Variants in THADA observed in about 807,000 individuals in gnomAD.
THADA encodes the protein tRNA (32-2'-O)-methyltransferase regulator THADA.
Under a neutral mutation model 219.8 loss-of-function variants are expected in THADA, and 213 were observed. The observed-to-expected ratio is 0.97, with a 90% CI of 0.87 to 1.09. THADA has a LOEUF of 1.09. Among genes scored for constraint, THADA ranks in the 50% least tolerant of loss-of-function variants. The pLI is 0.00. For synonymous variants in THADA, 1,018 were observed against 828.9 expected, an observed-to-expected ratio of 1.23 and a Z score of -3.92; for missense variants, 2,956 against 2,311.3, an observed-to-expected ratio of 1.28 and a Z score of -5.72.
Position 43,232,842 on chromosome 2 carries a change from G to A in THADA, c.5337C>T (p.Ala1779=), listed in dbSNP as rs748172791. 1.6e-5 allele frequency: 25 copies of A among 1,611,994 alleles called. No individual in the cohort carries two copies. The highest frequency in any genetic ancestry group is 1.6e-4 in the Middle Eastern group (1 of 6,076). ...GATCACACAGGACGGCCAGGGCCAG[G>A]GCCAGAGCGATGGAGGCATCCACCT... ...FCQVDASIAL[A]LALAVLCDLL... The change falls in exon 37 of 38, where the codon GCC becomes GCT. Residue 1779 remains alanine, a synonymous_variant. Transcript: ENST00000405975.
Position 43,430,203 on chromosome 2 carries a change from C to A in THADA, c.3926+10G>T. On this transcript the variant is annotated intron_variant, in intron 27 of 37. Transcript: ENST00000405975. The stretch of plus-strand genomic sequence containing the variant: ...TGAGGTCATTTTGCCCCACCCAATT[C>A]TCTTCTTACCTGTCTACTGTATTGG... 2 of 1,455,066 alleles carry A rather than the reference C, an allele frequency of 1.4e-6. No homozygotes were observed. Among genetic ancestry groups the A allele is most frequent in the Non-Finnish European group, 1.8e-6 (2 of 1,088,684 alleles). The allele number at this position is 1,455,066 out of a possible 1,614,324, so 90.1% of individuals were successfully genotyped here. A position where few individuals can be genotyped will look rare whatever the true frequency, so the allele number is the denominator to read the frequency against.
intron 14 of THADA, among the ~76,000 whole-genome samples, chr2:43,570,087 G>T (rs1308063206): frequency 6.6e-6 from 1 of 152,178 alleles, no homozygotes; most frequent in Non-Finnish European, 1.5e-5. Context: ...ACAGAGTTCA[G>T]TACTGTCAAT....
chr2:43,253,908 A>T lies in THADA; in HGVS notation c.5297-21026T>A, dbSNP rs1372511311. Among the ~76,000 whole-genome samples, 5 of 152,048 alleles carry T rather than the reference A, an allele frequency of 3.3e-5. No individual in the cohort carries two copies. In the East Asian group the frequency reaches 7.8e-4, roughly 24 times the overall value. ...CCTAGCATTCCAGGTTTTAGCAGAC[A>T]TCTGTTGTTTTTGCTGCCCACCTTC... On this transcript the variant is annotated intron_variant, in intron 36 of 37. Coordinates refer to ENST00000405975, the MANE Select transcript of THADA (RefSeq NM_022065.5).
intron 16 of THADA, 37 bp from the exon 17 acceptor site, chr2:43,556,592 A>G (rs200194902): frequency 9.5e-6 from 15 of 1,576,078 alleles, no homozygotes; most frequent in Non-Finnish European, 1.2e-5. Context: ...TGTCAAATTA[A>G]AGATCTCTTT....
At chr2:43,526,555 T>C (rs1415716326) in intron 22 of THADA, among the ~76,000 whole-genome samples, 1 of 152,186 alleles carries the variant, frequency 6.6e-6, no homozygotes, top group Non-Finnish European at 1.5e-5. Flanking sequence ...CTCTCTGCTA[T>C]TCCTATATGT....
rs1677104182 is a variant in THADA at position 43,417,184 on chromosome 2, A to T, written c.4058+10916T>A. The stretch of plus-strand genomic sequence containing the variant: ...TTTGCTATTATTGTTTTTTTTTTCT[A>T]GCAACCCTAAAGATTTTCAAAATTA... On this transcript the variant is annotated intron_variant, in intron 28 of 37. Coordinates refer to ENST00000405975, the MANE Select transcript of THADA (RefSeq NM_022065.5). Among the ~76,000 whole-genome samples, 4 of 150,696 alleles carry T rather than the reference A, an allele frequency of 2.7e-5. No homozygotes were observed. In the South Asian group the frequency reaches 8.3e-4, roughly 31 times the overall value.
At chr2:43,472,772 T>A (rs1413033080) in intron 26 of THADA, among the ~76,000 whole-genome samples, 1 of 152,214 alleles carries the variant, frequency 6.6e-6, no homozygotes. Flanking sequence ...ATAGCTAGGC[T>A]ATATGGTATA....
intron 29 of THADA, among the ~76,000 whole-genome samples, chr2:43,354,002 A>T (rs560550039): frequency 6.6e-6 from 1 of 151,900 alleles, no homozygotes; most frequent in Non-Finnish European, 1.5e-5. Context: ...TATTTTTAGT[A>T]GAGATGGGGT....
At chr2:43,237,550 C>T (rs753826921) in intron 36 of THADA, among the ~76,000 whole-genome samples, 9 of 151,762 alleles carry the variant, frequency 5.9e-5, no homozygotes, top group South Asian at 2.1e-4. Context: ...AGGTGCCTGC[C>T]GCTGTGCCTG....
Position 43,252,093 on chromosome 2 carries a change from C to T in THADA, c.5297-19211G>A, listed in dbSNP as rs371137604. ...CTTTTGAAGTCCATACTAACCATCT[C>T]CCCATTCTTGCTGGCTACAGACCTG... On this transcript the variant is annotated intron_variant, in intron 36 of 37. Transcript: ENST00000405975. 7.2e-5 allele frequency among the ~76,000 whole-genome samples: 11 copies of T among 152,304 alleles called. No individual in the cohort carries two copies. In the East Asian group the frequency reaches 9.6e-4, roughly 13 times the overall value.
At chr2:43,296,931 C>A (rs894645694) in intron 31 of THADA, among the ~76,000 whole-genome samples, 1 of 149,414 alleles carries the variant, frequency 6.7e-6, no homozygotes, top group Non-Finnish European at 1.5e-5. Context: ...TCCCAAAGTG[C>A]CGAGATTGCA....
chr2:43,338,947 T>C (rs1454378821), intron 30 of THADA, among the ~76,000 whole-genome samples: 1 of 152,174 alleles, frequency 6.6e-6, no homozygotes, highest in African/African-American at 2.4e-5. Flanking sequence ...ACAGTAGCTG[T>C]ATCACAAAGA....
intron 19 of THADA, among the ~76,000 whole-genome samples, chr2:43,551,136 A>G (rs1355810260): frequency 1.3e-5 from 2 of 152,232 alleles, no homozygotes; most frequent in African/African-American, 4.8e-5. Flanking sequence ...AAGGTATTTC[A>G]GCATATGGTT....
intron 26 of THADA, among the ~76,000 whole-genome samples, chr2:43,452,601 T>A (rs1191367896): frequency 6.6e-6 from 1 of 152,140 alleles, no homozygotes; most frequent in Non-Finnish European, 1.5e-5. Context: ...AAGAAGTTCA[T>A]GTGTCCCCAT....
chr2:43,433,607 T>C (rs759237220), intron 26 of THADA, among the ~76,000 whole-genome samples: 3 of 152,038 alleles, frequency 2.0e-5, no homozygotes, highest in Non-Finnish European at 2.9e-5. Context: ...AAGATGACAT[T>C]CTCCCCAAAT....
chr2:43,397,626 C>T (rs552007424), intron 29 of THADA, among the ~76,000 whole-genome samples: 16 of 151,698 alleles, frequency 1.1e-4, no homozygotes, highest in Non-Finnish European at 2.1e-4. Flanking sequence ...CAGTTTCACT[C>T]GGAATAGGTA....
Position 43,552,333 on chromosome 2 carries a change from T to C in THADA, c.2681A>G (p.Lys894Arg), listed in dbSNP as rs372737774. ...TTCCTCAAGATTTTCCATCAAGCAT[T>C]TGATAACTAGAAAAAGCAAACAGAA... Reference protein sequence around the residue: ...VVERNTLMVIKCLMENLEEEV... With the variant: ...VVERNTLMVIRCLMENLEEEV... Residue 894 changes from lysine to arginine, a missense_variant, in exon 18 of 38, where the codon AAA (lysine) becomes AGA (arginine). By Grantham distance (26) the Lys-to-Arg change is conservative. Transcript: ENST00000405975. 26 of 1,586,376 alleles carry C rather than the reference T, an allele frequency of 1.6e-5. No individual in the cohort carries two copies. The African/African-American group carries it at 3.3e-4, about 20-fold the overall frequency.
intron 36 of THADA, among the ~76,000 whole-genome samples, chr2:43,245,945 C>T (rs1482278155): frequency 6.6e-6 from 1 of 152,028 alleles, no homozygotes; most frequent in Admixed American, 6.6e-5. Context: ...ACTAGATACT[C>T]GCCTCCCAGC....
chr2:43,469,409 A>T (rs193152665), intron 26 of THADA, among the ~76,000 whole-genome samples: 680 of 152,302 alleles, frequency 4.5e-3, no homozygotes, highest in Admixed American at 8.4e-3. Context: ...AATACAATTA[A>T]CCAACAAATA....
Sources: allele counts gnomAD v4.1 joint callset (sites outside exome capture counted in the v4.1 genomes callset), GRCh38; gene constraint gnomAD v4.1.1; transcripts MANE v1.5; gene names NCBI Gene and HGNC (gene_info 2026-07-23, HGNC 2026-07-21).